Variants in UTRN observed in about 807,000 individuals in gnomAD.
UTRN encodes utrophin, also known as dystrophin-related protein 1.
In UTRN, 283 loss-of-function variants were observed where a neutral mutation model predicts 463.9. That is an observed-to-expected ratio of 0.61 (90% CI 0.55 to 0.67). The LOEUF (loss-of-function observed/expected upper bound fraction) is 0.67, where lower values mean the gene tolerates loss of function less well. Ranked by LOEUF, UTRN falls within the 30% of genes least tolerant of loss-of-function variation. The pLI, the probability that UTRN is intolerant of heterozygous loss-of-function variation, is 0.00. For missense variants in UTRN, 3,922 were observed against 4,084.3 expected (o/e 0.96, Z 1.08); for synonymous variants, 1,442 against 1,431.5 (o/e 1.01, Z -0.17).
intron 2 of UTRN, among the ~76,000 whole-genome samples, chr6:144,314,843 G>C (rs2114567378): frequency 6.6e-6 from 1 of 152,246 alleles, no homozygotes; most frequent in East Asian, 1.9e-4. Context: ...TTGTGCACCT[G>C]GTATGGTGAC....
intron 64 of UTRN, among the ~76,000 whole-genome samples, chr6:144,798,506 G>A (rs1394730519): frequency 6.6e-6 from 1 of 152,204 alleles, no homozygotes; most frequent in Non-Finnish European, 1.5e-5. Flanking sequence ...CAGTGTGTCA[G>A]ACTCTTCAGT....
At chr6:144,432,038 G>A (rs1311344638) in intron 9 of UTRN, among the ~76,000 whole-genome samples, 1 of 152,044 alleles carries the variant, frequency 6.6e-6, no homozygotes, top group Non-Finnish European at 1.5e-5. Flanking sequence ...ACAACATGAA[G>A]GTTTGTTACA....
Position 144,488,812 on chromosome 6 carries a change from T to C in UTRN, c.4112T>C (p.Phe1371Ser). Residue 1371 changes from phenylalanine to serine, a missense_variant, in exon 30 of 75, where the codon TTC becomes TCC. Coordinates refer to ENST00000367545, the MANE Select transcript of UTRN (RefSeq NM_007124.3). The part of the protein sequence containing the change: ...TTYLTDRIDA[F>S]QVPQEAQKIQ... ...TACCTGACTGACAGGATAGATGCTT[T>C]CCAAGTTCCACAGGAAGCTCAGGTA... is the stretch of plus-strand genomic sequence containing the variant. 1 of 1,597,342 alleles carries C rather than the reference T, an allele frequency of 6.3e-7. No homozygotes were observed. The highest frequency in any genetic ancestry group is 8.5e-7 in the Non-Finnish European group (1 of 1,170,164).
intron 66 of UTRN, among the ~76,000 whole-genome samples, chr6:144,825,013 G>A: frequency 6.6e-6 from 1 of 151,834 alleles, no homozygotes; most frequent in East Asian, 1.9e-4. Context: ...CAGACACCTG[G>A]GCTCAAGTGA....
In UTRN at chr6:144,336,279, T is replaced by C. The variant is rs192340666; in HGVS notation, c.79+44372T>C. ...GGGAACTTCAATCCAGACTCCGACA[T>C]CGCCACGGGCAAGCTGAATGACAGT... On this transcript the variant is annotated intron_variant, in intron 2 of 74. Coordinates refer to ENST00000367545, the MANE Select transcript of UTRN (RefSeq NM_007124.3). Among the ~76,000 whole-genome samples the C allele has an allele frequency of 7.7e-3, 1,172 of 152,186 alleles. 52 individuals are homozygous for C. The East Asian group carries it at 0.14, about 18-fold the overall frequency.
intron 2 of UTRN, among the ~76,000 whole-genome samples, chr6:144,319,272 C>T (rs2114578029): frequency 6.6e-6 from 1 of 151,914 alleles, no homozygotes; most frequent in Non-Finnish European, 1.5e-5. Context: ...CTGACATTTT[C>T]CTTGGAAATG....
intron 4 of UTRN, 32 bp from the exon 5 acceptor site, chr6:144,423,517 A>C (rs1329802303): frequency 6.2e-7 from 1 of 1,605,898 alleles, no homozygotes; most frequent in Non-Finnish European, 8.5e-7. Context: ...AGGGACAATC[A>C]GTTTTACTTG....
At chr6:144,597,240 A>G (rs566148225) in intron 51 of UTRN, among the ~76,000 whole-genome samples, 23 of 152,062 alleles carry the variant, frequency 1.5e-4, no homozygotes, top group African/African-American at 4.1e-4. Flanking sequence ...TGTCTCAAAA[A>G]AAAAAAAAAA....
chr6:144,794,860 T>C (rs1440802330), intron 63 of UTRN, among the ~76,000 whole-genome samples: 2 of 152,170 alleles, frequency 1.3e-5, no homozygotes, highest in Non-Finnish European at 2.9e-5. Context: ...TGATCTCTCT[T>C]GGGCCTCTTT....
At chr6:144,382,347 G>A (rs545788230) in intron 2 of UTRN, among the ~76,000 whole-genome samples, 2 of 152,330 alleles carry the variant, frequency 1.3e-5, no homozygotes, top group South Asian at 2.1e-4. Flanking sequence ...GAATACAGCA[G>A]TTGGTATTCC....
At chr6:144,836,154 A>G (rs918896771) in intron 70 of UTRN, 147 bp from the exon 71 acceptor site, 96 of 1,451,602 alleles carry the variant, frequency 6.6e-5, no homozygotes, top group Non-Finnish European at 8.4e-5. Flanking sequence ...TAAAACTACA[A>G]TTTTATTCCT....
chr6:144,795,590 T>G (rs1777142711), intron 63 of UTRN, among the ~76,000 whole-genome samples: 1 of 152,222 alleles, frequency 6.6e-6, no homozygotes, highest in Non-Finnish European at 1.5e-5. Context: ...GGTATCTCAT[T>G]GTGGTTTTGA....
chr6:144,378,244 A>C (rs922802593), intron 2 of UTRN, among the ~76,000 whole-genome samples: 5 of 152,228 alleles, frequency 3.3e-5, no homozygotes, highest in African/African-American at 1.2e-4. Context: ...GAAATGGACA[A>C]GTTAGAGGTC....
At chr6:144,768,952 TGTTTTG>T (rs1263296441) in intron 58 of UTRN, among the ~76,000 whole-genome samples, 22 of 113,996 alleles carry the variant, frequency 1.9e-4, no homozygotes, top group East Asian at 6.5e-4. Context: ...TTTTTTGTTT[TGTTTTG>T]TTTTTTTTTT....
intron 69 of UTRN, among the ~76,000 whole-genome samples, chr6:144,830,909 G>T (rs1586752824): frequency 6.6e-6 from 1 of 152,124 alleles, no homozygotes; most frequent in Non-Finnish European, 1.5e-5. Flanking sequence ...TCCACATTCA[G>T]TGAAGTCATG....
At chr6:144,493,144 A>T (rs1323266047) in intron 32 of UTRN, among the ~76,000 whole-genome samples, 157 bp from the exon 33 acceptor site, 1 of 152,204 alleles carries the variant, frequency 6.6e-6, no homozygotes, top group Non-Finnish European at 1.5e-5. Flanking sequence ...ATTTCATTTG[A>T]CTCGACCTTC....
rs1268035570 is a variant in UTRN, at chr6:144,836,170, C to T, written c.9825-131C>T. 47 of 1,477,276 alleles carry T rather than the reference C, an allele frequency of 3.2e-5. 1 individual carries two copies. The Admixed American group carries it at 9.3e-4, about 29-fold the overall frequency. The allele number at this position is 1,477,276 out of a possible 1,614,324, so 91.5% of individuals were successfully genotyped here. A position where few individuals can be genotyped will look rare whatever the true frequency, so the allele number is the denominator to read the frequency against. ...AAAACTACAATTTTATTCCTGCATG[C>T]TCATCCTGCTATTAATACACATTTT... On this transcript the variant is annotated intron_variant, in intron 70 of 74. Transcript: ENST00000367545.
chr6:144,765,965 T>A (rs1793277746), intron 58 of UTRN, among the ~76,000 whole-genome samples: 1 of 152,136 alleles, frequency 6.6e-6, no homozygotes, highest in Non-Finnish European at 1.5e-5. Context: ...TATCTTTGGA[T>A]TTCCTGCCTT....
intron 61 of UTRN, among the ~76,000 whole-genome samples, chr6:144,787,380 A>T (rs1033365974): frequency 6.6e-5 from 10 of 152,232 alleles, no homozygotes; most frequent in Admixed American, 2.0e-4. Context: ...AATTCTGCTT[A>T]GAAGGGCTAT....
Sources: gnomAD v4.1 joint callset for allele counts (sites outside exome capture counted in the v4.1 genomes callset) on GRCh38, gnomAD v4.1.1 for gene constraint, MANE v1.5 for transcripts, NCBI Gene and HGNC (gene_info 2026-07-23, HGNC 2026-07-21) for gene names.